Variants in DCC observed in about 807,000 individuals in gnomAD.
The protein encoded by DCC is netrin receptor DCC.
In DCC, 58 loss-of-function variants were observed where a neutral mutation model predicts 172.5. The ratio of observed to expected loss-of-function variants is 0.34; its 90% CI spans 0.27 to 0.42. The LOEUF is 0.42. Ranked by LOEUF, DCC falls within the 10% of genes least tolerant of loss-of-function variation. The pLI is 1.00. For missense variants in DCC, 1,740 were observed against 1,791.0 expected (o/e 0.97, Z 0.51); for synonymous variants, 709 against 644.5 (o/e 1.10, Z -1.52).
At chr18:53,217,310 TACACACACACAC>T (rs34151927) in intron 12 of DCC, among the ~76,000 whole-genome samples, 51,581 of 148,398 alleles carry the variant, frequency 0.35, 9,826 homozygotes, top group Non-Finnish European at 0.44. Flanking sequence ...CATATGTATA[TACACACACACAC>T]ACACACACAC....
chr18:52,629,155 C>T (rs1384979006), intron 1 of DCC, among the ~76,000 whole-genome samples: 2 of 152,142 alleles, frequency 1.3e-5, no homozygotes, highest in African/African-American at 2.4e-5. Context: ...AAGAATCTCA[C>T]GGAAGAGCAA....
intron 23 of DCC, among the ~76,000 whole-genome samples, chr18:53,456,766 C>T (rs773968959): frequency 4.4e-4 from 67 of 152,254 alleles, no homozygotes; most frequent in South Asian, 2.9e-3. Flanking sequence ...ATACACATTT[C>T]GAAGAATCTA....
At chr18:52,404,126 A>T (rs578040496) in intron 1 of DCC, among the ~76,000 whole-genome samples, 2 of 152,160 alleles carry the variant, frequency 1.3e-5, no homozygotes, top group East Asian at 3.9e-4. Context: ...CGGTACAATG[A>T]TACATGGACT....
intron 5 of DCC, among the ~76,000 whole-genome samples, chr18:52,942,499 G>T (rs1377441066): frequency 6.6e-6 from 1 of 152,048 alleles, no homozygotes; most frequent in Non-Finnish European, 1.5e-5. Flanking sequence ...AGACATAATC[G>T]GGGCTGGAAA....
intron 1 of DCC, among the ~76,000 whole-genome samples, chr18:52,383,550 GTTATA>G (rs1985672552): frequency 6.6e-6 from 1 of 151,730 alleles, no homozygotes; most frequent in African/African-American, 2.4e-5. Context: ...TATTATTTTT[GTTATA>G]TTAGTGTCAA....
intron 5 of DCC, among the ~76,000 whole-genome samples, chr18:53,038,699 G>C (rs2042127368): frequency 6.6e-6 from 1 of 152,036 alleles, no homozygotes; most frequent in East Asian, 1.9e-4. Context: ...GAATTAATTG[G>C]CCAAAAATTC....
intron 8 of DCC, among the ~76,000 whole-genome samples, chr18:53,177,193 C>G (rs12456394): frequency 3.0e-3 from 420 of 140,496 alleles, no homozygotes; most frequent in Admixed American, 6.2e-3. Context: ...GTGGGGGGAG[C>G]GGGGGAGGGA....
chr18:52,497,784 A>T (rs2030860324), intron 1 of DCC, among the ~76,000 whole-genome samples: 1 of 152,078 alleles, frequency 6.6e-6, no homozygotes, highest in South Asian at 2.1e-4. Flanking sequence ...CACCACGGGG[A>T]GCTTGATAGA....
chr18:52,827,115 T>A (rs1417268334), intron 2 of DCC, among the ~76,000 whole-genome samples: 1 of 152,154 alleles, frequency 6.6e-6, no homozygotes, highest in East Asian at 1.9e-4. Flanking sequence ...TATACGTGAA[T>A]GATCAGTCTA....
At chr18:53,050,780 C>G (rs7229493) in intron 5 of DCC, among the ~76,000 whole-genome samples, 41,056 of 151,856 alleles carry the variant, frequency 0.27, 6,003 homozygotes, top group African/African-American at 0.38. Flanking sequence ...TCCTTCTACC[C>G]GATTGCTCCA....
intron 1 of DCC, among the ~76,000 whole-genome samples, chr18:52,702,283 C>A (rs935365180): frequency 6.6e-6 from 1 of 152,230 alleles, no homozygotes; most frequent in Non-Finnish European, 1.5e-5. Flanking sequence ...AGTTGTCCAC[C>A]AACCTCCTTG....
intron 2 of DCC, among the ~76,000 whole-genome samples, chr18:52,813,300 A>G (rs914670653): frequency 7.2e-6 from 1 of 139,642 alleles, no homozygotes. Context: ...GAATTTGCAG[A>G]TGTTATAGGT....
chr18:52,618,739 T>C (rs2034428611), intron 1 of DCC, among the ~76,000 whole-genome samples: 1 of 152,226 alleles, frequency 6.6e-6, no homozygotes, highest in Non-Finnish European at 1.5e-5. Flanking sequence ...CTATAGGCTG[T>C]ATTTTATCAA....
At chr18:52,530,514 G>T (rs1489369340) in intron 1 of DCC, among the ~76,000 whole-genome samples, 2 of 152,134 alleles carry the variant, frequency 1.3e-5, no homozygotes, top group African/African-American at 4.8e-5. Flanking sequence ...GAGCCATAAA[G>T]AAAACAGAGA....
intron 2 of DCC, among the ~76,000 whole-genome samples, chr18:52,769,832 T>A (rs1163176951): frequency 6.6e-6 from 1 of 152,216 alleles, no homozygotes; most frequent in Non-Finnish European, 1.5e-5. Flanking sequence ...GCATCAATTG[T>A]TGAATAAAAC....
At chr18:52,713,795 G>A (rs1213869352) in intron 1 of DCC, among the ~76,000 whole-genome samples, 1 of 152,124 alleles carries the variant, frequency 6.6e-6, no homozygotes, top group Admixed American at 6.5e-5. Flanking sequence ...ATTACATGTG[G>A]CACTGTGCTA....
At chr18:53,492,072 G>A (rs1351389585) in intron 26 of DCC, among the ~76,000 whole-genome samples, 4 of 152,124 alleles carry the variant, frequency 2.6e-5, no homozygotes, top group Non-Finnish European at 4.4e-5. Flanking sequence ...GTGATGATGA[G>A]CATTTTTTCA....
chr18:52,733,212 A>G (rs762133929), intron 1 of DCC, among the ~76,000 whole-genome samples: 1 of 152,186 alleles, frequency 6.6e-6, no homozygotes, highest in Non-Finnish European at 1.5e-5. Flanking sequence ...CCCATGCCTC[A>G]TTCTGCCATT....
chr18:52,806,447 G>C (rs1247028145), intron 2 of DCC, among the ~76,000 whole-genome samples: 1 of 152,118 alleles, frequency 6.6e-6, no homozygotes, highest in East Asian at 1.9e-4. Flanking sequence ...ACCAAAATAG[G>C]GTCTTTACCT....
Sources: allele counts gnomAD v4.1 joint callset (sites outside exome capture counted in the v4.1 genomes callset), GRCh38; gene constraint gnomAD v4.1.1; transcripts MANE v1.5; gene names NCBI Gene and HGNC (gene_info 2026-07-23, HGNC 2026-07-21).